Variants in TMEM132B observed in about 807,000 individuals in gnomAD.
The protein encoded by TMEM132B is transmembrane protein 132B.
In TMEM132B, 18 loss-of-function variants were observed where a neutral mutation model predicts 90.8. That is an observed-to-expected ratio of 0.20 (90% CI 0.14 to 0.29). The LOEUF (loss-of-function observed/expected upper bound fraction) is 0.29, where lower values mean the gene tolerates loss of function less well. TMEM132B is among the 10% of genes least tolerant of loss of function. The probability of loss-of-function intolerance (pLI) is 1.00; values close to 1 mark genes in which losing one functional copy is unlikely to be tolerated. For missense variants in TMEM132B, 1,096 were observed against 1,326.8 expected, an observed-to-expected ratio of 0.83 and a Z score of 2.70; for synonymous variants, 504 against 523.3, an observed-to-expected ratio of 0.96 and a Z score of 0.50.
At chr12:125,474,056 T>TTCCTTTCCTTTCCTTTCCTTTCC (rs1555252177) in intron 3 of TMEM132B, among the ~76,000 whole-genome samples, 1 of 129,402 alleles carries the variant, frequency 7.7e-6, no homozygotes, top group African/African-American at 3.1e-5. Context: ...CCTTCTTTCT[T>TTCCTTTCCTTTCCTTTCCTTTCC]TTTCCTTTCC....
chr12:125,336,293 GACTT>G (rs913701835), intron 1 of TMEM132B, among the ~76,000 whole-genome samples: 2 of 152,168 alleles, frequency 1.3e-5, no homozygotes, highest in African/African-American at 4.8e-5. Context: ...ATGTATTTGG[GACTT>G]ATCCATGATG....
intron 1 of TMEM132B, among the ~76,000 whole-genome samples, chr12:125,210,427 C>T (rs996561075): frequency 1.3e-5 from 2 of 152,154 alleles, no homozygotes; most frequent in Non-Finnish European, 2.9e-5. Context: ...TGGGCCATGG[C>T]AGGGCTTTGA....
At chr12:125,454,080 C>A (rs1387613297) in intron 3 of TMEM132B, among the ~76,000 whole-genome samples, 1 of 152,090 alleles carries the variant, frequency 6.6e-6, no homozygotes. Flanking sequence ...CCCGTTTTAA[C>A]AGAGATTTCT....
At chr12:125,588,791 A>G (rs1885237326) in intron 5 of TMEM132B, among the ~76,000 whole-genome samples, 1 of 152,108 alleles carries the variant, frequency 6.6e-6, no homozygotes, top group Non-Finnish European at 1.5e-5. Flanking sequence ...TTTGAAGATA[A>G]ATTTCCCGCT....
At chr12:125,620,240 A>G (rs893275734) in intron 5 of TMEM132B, among the ~76,000 whole-genome samples, 1 of 152,216 alleles carries the variant, frequency 6.6e-6, no homozygotes, top group Non-Finnish European at 1.5e-5. Flanking sequence ...AAGATTTTTA[A>G]TATCTATACA....
intron 1 of TMEM132B, among the ~76,000 whole-genome samples, chr12:125,243,032 T>TATATATATATAC (rs1215676534): frequency 1.5e-3 from 198 of 134,976 alleles, no homozygotes; most frequent in African/African-American, 4.8e-3. Context: ...TATATATATA[T>TATATATATATAC]ACACACACAC....
intron 4 of TMEM132B, among the ~76,000 whole-genome samples, chr12:125,531,788 C>G (rs1156255316): frequency 6.6e-6 from 1 of 152,224 alleles, no homozygotes; most frequent in Non-Finnish European, 1.5e-5. Flanking sequence ...AGGAGAATGC[C>G]TGTCCACTGG....
intron 1 of TMEM132B, among the ~76,000 whole-genome samples, chr12:125,323,558 C>T (rs1045628269): frequency 1.3e-5 from 2 of 152,156 alleles, no homozygotes; most frequent in Non-Finnish European, 2.9e-5. Context: ...CTCTTGGTCA[C>T]CCAAGGCTGG....
rs773753419 is a variant in TMEM132B, at chr12:125,458,680, G to A, written c.1106+43003G>A. On this transcript the variant is annotated intron_variant, in intron 3 of 8. Coordinates refer to ENST00000682704, the MANE Select transcript of TMEM132B (RefSeq NM_001366854.1). This position sits in a 1 kb window ranked among gnomAD's most constrained non-coding sequence, Gnocchi z 4.9. ...GTCCGTGTCCCCTGCCTCTGAGAAT[G>A]GCCAGGGCTGGGAAGCCAATGGAGA... 2.6e-5 allele frequency among the ~76,000 whole-genome samples: 4 copies of A among 152,188 alleles called. No homozygotes were observed. Among genetic ancestry groups the A allele is most frequent in the Non-Finnish European group, 5.9e-5 (4 of 68,024 alleles).
chr12:125,603,380 T>TG (rs1006877676), intron 5 of TMEM132B, among the ~76,000 whole-genome samples: 11 of 152,062 alleles, frequency 7.2e-5, no homozygotes, highest in African/African-American at 2.7e-4. Flanking sequence ...AATGGTGCTG[T>TG]GAAAACTGGC....
intron 2 of TMEM132B, among the ~76,000 whole-genome samples, chr12:125,359,613 A>G (rs555302105): frequency 6.6e-6 from 1 of 152,360 alleles, no homozygotes; most frequent in East Asian, 1.9e-4. Context: ...ACTACATGAG[A>G]CAATCAACAC....
chr12:125,296,407 G>A (rs556880495), intron 1 of TMEM132B, among the ~76,000 whole-genome samples: 2 of 152,162 alleles, frequency 1.3e-5, no homozygotes, highest in Non-Finnish European at 2.9e-5. Flanking sequence ...CGTCTTCCCA[G>A]GATGGCCTTC....
chr12:125,645,832 G>C (rs1019577408), intron 6 of TMEM132B, among the ~76,000 whole-genome samples: 4 of 152,144 alleles, frequency 2.6e-5, no homozygotes, highest in Non-Finnish European at 5.9e-5. Context: ...AACTAATACA[G>C]AGCCTGTTGC....
In TMEM132B at chr12:125,655,944, G is replaced by A. The variant is rs2137061789; in HGVS notation, c.*1234G>A. 1 of 152,184 alleles carries A rather than the reference G, an allele frequency of 6.6e-6. No individual in the cohort carries two copies. Among genetic ancestry groups the A allele is most frequent in the Middle Eastern group, 3.4e-3 (1 of 294 alleles). The allele number at this position is 152,184 out of a possible 1,614,324, so 9.4% of individuals were successfully genotyped here. ...CAAGGGTGTGCATTTGTGGAGAGAAGCAGTGGGTTTCCCCCCAAAATCCAT... is the reference window on the plus strand; with the variant it reads ...CAAGGGTGTGCATTTGTGGAGAGAAACAGTGGGTTTCCCCCCAAAATCCAT... On this transcript the variant is annotated 3_prime_UTR_variant, in exon 9 of 9. Coordinates refer to ENST00000682704, the MANE Select transcript of TMEM132B (RefSeq NM_001366854.1).
At position 125,559,988 on chromosome 12, in the gene TMEM132B, G is replaced by A. The variant is rs112725254; in HGVS notation, c.1294-23863G>A. Among the ~76,000 whole-genome samples, 1,010 of 152,266 alleles carry A rather than the reference G, an allele frequency of 6.6e-3. 11 individuals are homozygous for A. The highest frequency in any genetic ancestry group is 0.023 in the African/African-American group (972 of 41,548). ...CCATGGCCCTAAGTTCGAATCCAGCGCTGCCAGCCTCTCTGGGCTCCCGCT... is the reference window on the plus strand; with the variant it reads ...CCATGGCCCTAAGTTCGAATCCAGCACTGCCAGCCTCTCTGGGCTCCCGCT... On this transcript the variant is annotated intron_variant, in intron 4 of 8. Coordinates refer to ENST00000682704, the MANE Select transcript of TMEM132B (RefSeq NM_001366854.1).
chr12:125,311,974 TACAA>T (rs1876135523), intron 1 of TMEM132B, among the ~76,000 whole-genome samples: 1 of 152,202 alleles, frequency 6.6e-6, no homozygotes, highest in South Asian at 2.1e-4. Flanking sequence ...GGTGCTCATA[TACAA>T]ACAATGAGCA....
rs556527291 is a variant in TMEM132B at position 125,633,827 on chromosome 12, C to G, written c.1438-10249C>G. Among the ~76,000 whole-genome samples, 6 of 152,366 alleles carry G rather than the reference C, an allele frequency of 3.9e-5. No homozygotes were observed. The South Asian group carries it at 1.2e-3, about 32-fold the overall frequency. On this transcript the variant is annotated intron_variant, in intron 5 of 8. Transcript: ENST00000682704. ...CCACCTGAAGCTGAGAGTGGAGTGA[C>G]ATAAGCACCCCTGTGGCCACTCCCA...
chr12:125,646,131 A>C (rs1886759110), intron 6 of TMEM132B, among the ~76,000 whole-genome samples: 1 of 152,194 alleles, frequency 6.6e-6, no homozygotes, highest in Non-Finnish European at 1.5e-5. Context: ...GGGGGAGGTG[A>C]GGAGCATGGA....
At chr12:125,554,321 A>C (rs1179015369) in intron 4 of TMEM132B, among the ~76,000 whole-genome samples, 2 of 143,588 alleles carry the variant, frequency 1.4e-5, no homozygotes, top group Non-Finnish European at 3.0e-5. Flanking sequence ...GCTACTTGGG[A>C]GGCTGAGGCA....
Sources: allele counts gnomAD v4.1 joint callset (sites outside exome capture counted in the v4.1 genomes callset), GRCh38; gene constraint gnomAD v4.1.1; non-coding constraint Gnocchi (gnomAD v3.1); transcripts MANE v1.5; gene names NCBI Gene and HGNC (gene_info 2026-07-23, HGNC 2026-07-21).